PRDM15: variants seen among roughly 807,000 people sequenced by gnomAD.
PRDM15 encodes the protein PR domain zinc finger protein 15.
In PRDM15, 64 loss-of-function variants were observed where a neutral mutation model predicts 128.6. The observed-to-expected ratio is 0.50, with a 90% CI of 0.41 to 0.61. PRDM15 has a LOEUF of 0.61. PRDM15 is among the 20% of genes least tolerant of loss of function. The pLI is 0.00. For synonymous variants in PRDM15, 615 were observed against 621.8 expected (o/e 0.99, Z 0.16); for missense variants, 1,242 against 1,569.1 (o/e 0.79, Z 3.52).
In PRDM15 at chr21:41,810,909, C is replaced by T. The variant is rs1028673410; in HGVS notation, c.2393-73G>A. ...AGTCCACATCAGGGCATGTCTTCTC[C>T]CTGACACGTTCCAGGCACTGTAGGG... On this transcript the variant is annotated intron_variant, in intron 19 of 23. Coordinates refer to ENST00000398548, the MANE Select transcript of PRDM15 (RefSeq NM_001040424.3). This position sits in a 1 kb window ranked among gnomAD's most constrained non-coding sequence, Gnocchi z 6.4. The T allele has an allele frequency of 7.1e-7, 1 of 1,404,028 alleles. No homozygotes were observed. The highest frequency in any genetic ancestry group is 1.0e-6 in the Non-Finnish European group (1 of 990,658). 87.0% of individuals were successfully genotyped at this position (1,404,028 alleles called of 1,614,324 possible).
chr21:41,858,514 C>T (rs111862240), intron 3 of PRDM15, among the ~76,000 whole-genome samples: 6 of 149,674 alleles, frequency 4.0e-5, no homozygotes, highest in Admixed American at 6.6e-5. Context: ...AGCACAGGCC[C>T]CTCCGACAGA....
intron 13 of PRDM15, 36 bp from the exon 14 acceptor site, chr21:41,823,485 C>T (rs1467808736): frequency 9.1e-6 from 14 of 1,537,180 alleles, no homozygotes; most frequent in South Asian, 7.2e-5. Flanking sequence ...GGGGCTGCGG[C>T]GTCTCGTGAC....
In PRDM15 at chr21:41,811,247, C is replaced by T. The variant is rs920123721; in HGVS notation, c.2393-411G>A. 7 of 187,000 alleles carry T rather than the reference C, an allele frequency of 3.7e-5. No homozygotes were observed. Among genetic ancestry groups the T allele is most frequent in the Non-Finnish European group, 5.7e-5 (5 of 87,416 alleles). 11.6% of individuals were successfully genotyped at this position (187,000 alleles called of 1,614,324 possible). The stretch of plus-strand genomic sequence containing the variant: ...TGGTAACTGAAATCAGGACCAATGG[C>T]AAGGAGGACACAGACGAGCCAAGCG... On this transcript the variant is annotated intron_variant, in intron 19 of 23. Transcript: ENST00000398548. The surrounding 1 kb of genome is among the most constrained non-coding windows in gnomAD (Gnocchi z 4.1).
chr21:41,878,501 A>G (rs2064501539), intron 1 of PRDM15, among the ~76,000 whole-genome samples: 1 of 152,064 alleles, frequency 6.6e-6, no homozygotes, highest in Non-Finnish European at 1.5e-5. Context: ...CTCTAGCAGG[A>G]CGCTGCGCGT....
In PRDM15 at chr21:41,859,442, G is replaced by T; in HGVS notation, c.131+150C>A. On this transcript the variant is annotated intron_variant, in intron 3 of 23. Coordinates refer to ENST00000398548, the MANE Select transcript of PRDM15 (RefSeq NM_001040424.3). The surrounding 1 kb of genome is among the most constrained non-coding windows in gnomAD (Gnocchi z 5.3). Reference sequence around the variant, plus strand: ...TGTGTCCCGGCAGCAACGCTGCTCAGTTCACAGTGGGAGCGGAATCGCTGG... The same window carrying T: ...TGTGTCCCGGCAGCAACGCTGCTCATTTCACAGTGGGAGCGGAATCGCTGG... 1.4e-6 allele frequency: 1 copy of T among 730,492 alleles called. No individual in the cohort carries two copies. The highest frequency in any genetic ancestry group is 2.3e-6 in the Non-Finnish European group (1 of 444,280). 45.3% of individuals were successfully genotyped at this position (730,492 alleles called of 1,614,324 possible). A position where few individuals can be genotyped will look rare whatever the true frequency, so the allele number is the denominator to read the frequency against.
chr21:41,866,827 G>C (rs372709268), intron 1 of PRDM15, among the ~76,000 whole-genome samples: 1 of 152,150 alleles, frequency 6.6e-6, no homozygotes, highest in East Asian at 1.9e-4. Flanking sequence ...CCTGCACAGG[G>C]GAAGCCAGAG....
intron 5 of PRDM15, among the ~76,000 whole-genome samples, chr21:41,851,993 C>T (rs901663550): frequency 6.6e-6 from 1 of 152,168 alleles, no homozygotes; most frequent in African/African-American, 2.4e-5. Context: ...TACAAGTGTC[C>T]TTTTATTCTG....
intron 7 of PRDM15, 99 bp downstream of exon 7, chr21:41,839,524 G>A: frequency 1.1e-6 from 1 of 951,616 alleles, no homozygotes; most frequent in South Asian, 1.5e-5. Context: ...TCTACACTGA[G>A]TTTTCCCGCC....
rs13050334 is a variant in PRDM15, at chr21:41,854,781, G to A, written c.323C>T (p.Thr108Ile). ...QKDGHPVCFD[T>I]SNEDDCNWMM... ...CCAGTTGCAGTCATCCTCGTTGGAG[G>A]TGTCGAAGCACACGGGGTGCCCGTC... The change falls in exon 5 of 24, where the codon ACC (threonine) becomes ATC (isoleucine). Residue 108 changes from threonine (T) to isoleucine (I), a missense_variant. Physicochemically the swap from Thr to Ile is moderately conservative, Grantham distance 89 (BLOSUM62 -1). Transcript: ENST00000398548. This position sits in a 1 kb window ranked among gnomAD's most constrained non-coding sequence, Gnocchi z 4.6. 120 of 1,608,154 alleles carry A rather than the reference G, an allele frequency of 7.5e-5. No individual in the cohort carries two copies. The highest frequency in any genetic ancestry group is 9.8e-5 in the Non-Finnish European group (115 of 1,175,624).
intron 17 of PRDM15, 42 bp from the exon 18 acceptor site, chr21:41,819,743 G>T: frequency 6.4e-7 from 1 of 1,564,330 alleles, no homozygotes; most frequent in South Asian, 1.2e-5. Flanking sequence ...GAGCAGCTCC[G>T]ACCTGCAGTG....
At chr21:41,823,227 C>T (rs570639769) in intron 14 of PRDM15, 91 bp downstream of exon 14, 4 of 1,509,160 alleles carry the variant, frequency 2.7e-6, no homozygotes, top group African/African-American at 1.4e-5. Flanking sequence ...GCTGCCCTGC[C>T]CACAGAACTC....
chr21:41,816,233 G>A (rs898810887), intron 18 of PRDM15, among the ~76,000 whole-genome samples: 3 of 152,102 alleles, frequency 2.0e-5, no homozygotes, highest in African/African-American at 4.8e-5. Context: ...GGATTCGGAC[G>A]CGAGATGGTT....
rs111857656 is a variant in PRDM15, at chr21:41,851,355, G to A, written c.538+3211C>T. On this transcript the variant is annotated intron_variant, in intron 5 of 23. Coordinates refer to ENST00000398548, the MANE Select transcript of PRDM15 (RefSeq NM_001040424.3). ...CTATCGAGATACTCATTTCTGAGAC[G>A]CAGGCAGCGTTGGGCTCCAGTGCAT... Among the ~76,000 whole-genome samples, 363 of 152,336 alleles carry A rather than the reference G, an allele frequency of 2.4e-3. 1 individual carries two copies. The highest frequency in any genetic ancestry group is 8.4e-3 in the African/African-American group (349 of 41,574).
At chr21:41,875,817 G>A (rs1047228732) in intron 1 of PRDM15, among the ~76,000 whole-genome samples, 4 of 152,262 alleles carry the variant, frequency 2.6e-5, no homozygotes, top group East Asian at 1.9e-4. Flanking sequence ...CTGTGCTAAC[G>A]TCTCCCGAAT....
At chr21:41,858,809 A>G in intron 3 of PRDM15, among the ~76,000 whole-genome samples, 1 of 152,136 alleles carries the variant, frequency 6.6e-6, no homozygotes, top group South Asian at 2.1e-4. Flanking sequence ...TTAGGCCAAA[A>G]CATTAATCTC....
chr21:41,856,504 TCA>T (rs983684626), intron 4 of PRDM15, among the ~76,000 whole-genome samples: 7 of 151,866 alleles, frequency 4.6e-5, no homozygotes, highest in Non-Finnish European at 8.8e-5. Flanking sequence ...TTTGTTTATT[TCA>T]CAGATATTTC....
At chr21:41,830,247 A>C (rs1303194371) in intron 11 of PRDM15, among the ~76,000 whole-genome samples, 2 of 149,710 alleles carry the variant, frequency 1.3e-5, no homozygotes, top group African/African-American at 4.9e-5. Flanking sequence ...AANACACACC[A>C]CACACACACC....
At chr21:41,871,521 G>C (rs1029088841) in intron 1 of PRDM15, 1 of 1,609,450 alleles carries the variant, frequency 6.2e-7, no homozygotes, top group Admixed American at 1.7e-5. Flanking sequence ...TTGCGTCGCA[G>C]GCCTGCACTC....
intron 7 of PRDM15, among the ~76,000 whole-genome samples, chr21:41,838,408 G>A (rs1019247627): frequency 6.6e-6 from 1 of 152,170 alleles, no homozygotes; most frequent in Non-Finnish European, 1.5e-5. Context: ...CATCAATTCT[G>A]ACAGAGTTTT....
Sources: allele counts gnomAD v4.1 joint callset (sites outside exome capture counted in the v4.1 genomes callset), GRCh38; gene constraint gnomAD v4.1.1; non-coding constraint Gnocchi (gnomAD v3.1); transcripts MANE v1.5; gene names NCBI Gene and HGNC (gene_info 2026-07-23, HGNC 2026-07-21).